The following AP2M1 variants were observed in gnomAD, a reference collection of about 807,000 sequenced individuals.
AP2M1 encodes AP-2 complex subunit mu.
In AP2M1, 5 loss-of-function variants were observed where a neutral mutation model predicts 54.5. The observed-to-expected ratio is 0.09, with a 90% CI of 0.05 to 0.19. The LOEUF (loss-of-function observed/expected upper bound fraction) is 0.19, where lower values mean the gene tolerates loss of function less well. Among genes scored for constraint, AP2M1 ranks in the 10% least tolerant of loss-of-function variants. The pLI is 1.00. For synonymous variants in AP2M1, 186 were observed against 208.2 expected (o/e 0.89, Z 0.92); for missense variants, 178 against 580.2 (o/e 0.31, Z 7.12).
intron 3 of AP2M1, 123 bp downstream of exon 3, chr3:184,179,245 T>C: frequency 7.8e-7 from 1 of 1,276,424 alleles, no homozygotes; most frequent in East Asian, 2.4e-5. Context: ...CCTGAGTATT[T>C]GGTCTCTTGG....
chr3:184,178,728 G>A lies in AP2M1; in HGVS notation c.75-129G>A. The A allele has an allele frequency of 8.2e-7, 1 of 1,214,534 alleles. No homozygotes were observed. The highest frequency in any genetic ancestry group is 1.1e-6 in the Non-Finnish European group (1 of 873,998). The allele number at this position is 1,214,534 out of a possible 1,614,324, so 75.2% of individuals were successfully genotyped here. A position where few individuals can be genotyped will look rare whatever the true frequency, so the allele number is the denominator to read the frequency against. On this transcript the variant is annotated intron_variant, in intron 2 of 11. Coordinates refer to ENST00000292807, the MANE Select transcript of AP2M1 (RefSeq NM_004068.4). The surrounding 1 kb of genome is among the most constrained non-coding windows in gnomAD (Gnocchi z 4.9). ...AACCACTCCAGTGGTTTAGGCATTG[G>A]CTTTCTTTGGAGTGTGTGTGTCAGA...
rs377089142 is a variant in AP2M1 at position 184,183,613 on chromosome 3, C to T, written c.1305C>T (p.Cys435=). ...IGRSGIYETR[C] ...GCAGTGGCATTTATGAAACTCGCTG[C>T]TAGCTGCCACTAGGCAGCTAGCCCA... Residue 435 remains cysteine (C), a synonymous_variant, in exon 12 of 12, where the codon TGC becomes TGT. Coordinates refer to ENST00000292807, the MANE Select transcript of AP2M1 (RefSeq NM_004068.4). This position sits in a 1 kb window ranked among gnomAD's most constrained non-coding sequence, Gnocchi z 5.7. The T allele has an allele frequency of 5.0e-6, 8 of 1,611,850 alleles. No individual in the cohort carries two copies. Among genetic ancestry groups the T allele is most frequent in the Non-Finnish European group, 6.8e-6 (8 of 1,179,692 alleles).
rs1715197141 is a variant in AP2M1 at position 184,179,443 on chromosome 3, C to T, written c.340+321C>T. 1.5e-5 allele frequency: 5 copies of T among 329,862 alleles called. 1 individual carries two copies. The highest frequency in any genetic ancestry group is 7.0e-5 in the South Asian group (2 of 28,714). 20.4% of individuals were successfully genotyped at this position (329,862 alleles called of 1,614,324 possible). On this transcript the variant is annotated intron_variant, in intron 3 of 11. Coordinates refer to ENST00000292807, the MANE Select transcript of AP2M1 (RefSeq NM_004068.4). ...GCTTGGACCTTAGTTCACTAACTGT[C>T]CACCCAGTTTTCCATCTCAGCAGCT...
chr3:184,182,193 A>C lies in AP2M1; in HGVS notation c.1006A>C (p.Ile336Leu). Residue 336 changes from isoleucine (I) to leucine (L), a missense_variant, in exon 10 of 12, where the codon ATC (isoleucine) becomes CTC (leucine). Ile to Leu is a conservative substitution (Grantham distance 5). Coordinates refer to ENST00000292807, the MANE Select transcript of AP2M1 (RefSeq NM_004068.4). The surrounding 1 kb of genome is among the most constrained non-coding windows in gnomAD (Gnocchi z 5.5). The part of the protein sequence containing the change: ...TPLNTSGVQV[I>L]CMKGKAKYKA... Reference sequence around the variant, plus strand: ...ACTGAACACAAGCGGGGTGCAGGTGATCTGCATGAAGGGGAAGGCCAAGTA... The same window carrying C: ...ACTGAACACAAGCGGGGTGCAGGTGCTCTGCATGAAGGGGAAGGCCAAGTA... The C allele has an allele frequency of 6.2e-7, 1 of 1,614,184 alleles. No individual in the cohort carries two copies. Among genetic ancestry groups the C allele is most frequent in the Non-Finnish European group, 8.5e-7 (1 of 1,180,046 alleles).
chr3:184,178,266 G>C lies in AP2M1; in HGVS notation c.75-591G>C. ...CTGCTGCCCAGGTACAGGTGGGTGG[G>C]GGCCTGCCCCCATCGTTTTCCTGCA... On this transcript the variant is annotated intron_variant, in intron 2 of 11. Transcript: ENST00000292807. This position sits in a 1 kb window ranked among gnomAD's most constrained non-coding sequence, Gnocchi z 4.9. The C allele has an allele frequency of 2.0e-6, 3 of 1,533,454 alleles. No homozygotes were observed. The highest frequency in any genetic ancestry group is 1.7e-4 in the Middle Eastern group (1 of 5,986). 95.0% of individuals were successfully genotyped at this position (1,533,454 alleles called of 1,614,324 possible). A position where few individuals can be genotyped will look rare whatever the true frequency, so the allele number is the denominator to read the frequency against.
At chr3:184,177,598 G>A in intron 2 of AP2M1, 1 of 1,536,036 alleles carries the variant, frequency 6.5e-7, no homozygotes, top group Non-Finnish European at 8.7e-7. Context: ...ATTCCCTGGG[G>A]AGTGGCTGGA....
At position 184,183,238 on chromosome 3, in the gene AP2M1, A is replaced by C. The variant is rs1283778732; in HGVS notation, c.1174-244A>C. On this transcript the variant is annotated intron_variant, in intron 11 of 11. Transcript: ENST00000292807. The surrounding 1 kb of genome is among the most constrained non-coding windows in gnomAD (Gnocchi z 5.7). ...GTTCATAATATTGAGCAGGATAAGT[A>C]TGTTCTAAAGCAGTTCTTTGGTTGC... 2 of 582,262 alleles carry C rather than the reference A, an allele frequency of 3.4e-6. No individual in the cohort carries two copies. Among genetic ancestry groups the C allele is most frequent in the African/African-American group, 1.9e-5 (1 of 53,704 alleles). The allele number at this position is 582,262 out of a possible 1,614,324, so 36.1% of individuals were successfully genotyped here. A position where few individuals can be genotyped will look rare whatever the true frequency, so the allele number is the denominator to read the frequency against.
At chr3:184,175,578 C>T (rs1015034151) in intron 1 of AP2M1, among the ~76,000 whole-genome samples, 3 of 152,186 alleles carry the variant, frequency 2.0e-5, no homozygotes, top group Non-Finnish European at 2.9e-5. Context: ...CCGGTTTTTC[C>T]TTCTTAAAGC....
chr3:184,179,336 C>A, intron 3 of AP2M1: 2 of 603,906 alleles, frequency 3.3e-6, no homozygotes, highest in Non-Finnish European at 5.7e-6. Flanking sequence ...AGAAATAGGC[C>A]AGCAGGTGAT....
Position 184,182,672 on chromosome 3 carries a change from G to A in AP2M1, c.1062-85G>A. 8.5e-7 allele frequency: 1 copy of A among 1,183,074 alleles called. No homozygotes were observed. The highest frequency in any genetic ancestry group is 1.9e-5 in the Admixed American group (1 of 51,364). The allele number at this position is 1,183,074 out of a possible 1,614,324, so 73.3% of individuals were successfully genotyped here. On this transcript the variant is annotated intron_variant, in intron 10 of 11. Coordinates refer to ENST00000292807, the MANE Select transcript of AP2M1 (RefSeq NM_004068.4). The surrounding 1 kb of genome is among the most constrained non-coding windows in gnomAD (Gnocchi z 5.5). Reference sequence around the variant, plus strand: ...GTTCTGGCACCTCCTGCAAGCTCCTGGGCTCTCTCCTTGCTTGAAATGGGC... The same window carrying A: ...GTTCTGGCACCTCCTGCAAGCTCCTAGGCTCTCTCCTTGCTTGAAATGGGC...
chr3:184,175,296 C>T (rs1715030792), intron 1 of AP2M1, among the ~76,000 whole-genome samples: 1 of 152,132 alleles, frequency 6.6e-6, no homozygotes, highest in African/African-American at 2.4e-5. Flanking sequence ...ACAATTTCCC[C>T]GTCTCGTAGG....
In AP2M1 at chr3:184,180,906, C is replaced by A; in HGVS notation, c.487C>A (p.Arg163=). 2 of 1,614,120 alleles carry A rather than the reference C, an allele frequency of 1.2e-6. No individual in the cohort carries two copies. The highest frequency in any genetic ancestry group is 1.7e-6 in the Non-Finnish European group (2 of 1,180,024). Residue 163 remains arginine (R), a synonymous_variant, in exon 6 of 12, where the codon CGA becomes AGA. Transcript: ENST00000292807. The surrounding 1 kb of genome is among the most constrained non-coding windows in gnomAD (Gnocchi z 4.9). ...SQVTGQIGWR[R]EGIKYRRNEL... ...GGTAACTGGGCAGATTGGCTGGCGGCGAGAGGGTATCAAGTATCGTCGGAA... is the reference window on the plus strand; with the variant it reads ...GGTAACTGGGCAGATTGGCTGGCGGAGAGAGGGTATCAAGTATCGTCGGAA...
Position 184,181,438 on chromosome 3 carries a change from C to A in AP2M1, c.707+212C>A. 2.3e-6 allele frequency: 2 copies of A among 861,472 alleles called. No homozygotes were observed. Among genetic ancestry groups the A allele is most frequent in the Non-Finnish European group, 1.7e-6 (1 of 573,288 alleles). The allele number at this position is 861,472 out of a possible 1,614,324, so 53.4% of individuals were successfully genotyped here. ...AAGCCCCTTTGTTTGGTCCCTAGGA[C>A]CAAGGCCTTTTCTGTACATACTGAC... On this transcript the variant is annotated intron_variant, in intron 7 of 11. Coordinates refer to ENST00000292807, the MANE Select transcript of AP2M1 (RefSeq NM_004068.4). The surrounding 1 kb of genome is among the most constrained non-coding windows in gnomAD (Gnocchi z 5.7).
chr3:184,180,212 G>A lies in AP2M1; in HGVS notation c.384G>A (p.Ala128=), dbSNP rs753193214. The stretch of plus-strand genomic sequence containing the variant: ...ACCCACAGAATTCCGAGACAGGCGC[G>A]CTGAAAACCTTCATCACGCAGCAGG... The part of the protein sequence containing the change: ...FGYPQNSETG[A]LKTFITQQGI... Residue 128 remains alanine (A), a synonymous_variant, in exon 4 of 12, where the codon GCG becomes GCA. Coordinates refer to ENST00000292807, the MANE Select transcript of AP2M1 (RefSeq NM_004068.4). This position sits in a 1 kb window ranked among gnomAD's most constrained non-coding sequence, Gnocchi z 4.9. 1.4e-5 allele frequency: 22 copies of A among 1,614,154 alleles called. No individual in the cohort carries two copies. The East Asian group carries it at 1.8e-4, about 13-fold the overall frequency.
In AP2M1 at chr3:184,183,223, T is replaced by C. The variant is rs897831333; in HGVS notation, c.1174-259T>C. 5.3e-6 allele frequency: 3 copies of C among 569,132 alleles called. No homozygotes were observed. Among genetic ancestry groups the C allele is most frequent in the African/African-American group, 3.7e-5 (2 of 53,456 alleles). 35.3% of individuals were successfully genotyped at this position (569,132 alleles called of 1,614,324 possible). On this transcript the variant is annotated intron_variant, in intron 11 of 11. Transcript: ENST00000292807. The surrounding 1 kb of genome is among the most constrained non-coding windows in gnomAD (Gnocchi z 5.7). ...CCACCTTATTTTTAAGTTCATAATA[T>C]TGAGCAGGATAAGTATGTTCTAAAG...
In AP2M1 at chr3:184,176,010, G is replaced by A. The variant is rs1393875351; in HGVS notation, c.-43-941G>A. On this transcript the variant is annotated intron_variant, in intron 1 of 11. Transcript: ENST00000292807. Reference sequence around the variant, plus strand: ...CCAGGAAATCTAAAACCAAATTAATGCCTTTTCTCAAACAGTCTAAATTAA... The same window carrying A: ...CCAGGAAATCTAAAACCAAATTAATACCTTTTCTCAAACAGTCTAAATTAA... 2.6e-5 allele frequency among the ~76,000 whole-genome samples: 4 copies of A among 152,266 alleles called. No individual in the cohort carries two copies. In the East Asian group the frequency reaches 7.7e-4, roughly 29 times the overall value.
At position 184,180,346 on chromosome 3, in the gene AP2M1, T is replaced by C; in HGVS notation, c.423+95T>C. 1 of 1,440,156 alleles carries C rather than the reference T, an allele frequency of 6.9e-7. No individual in the cohort carries two copies. The highest frequency in any genetic ancestry group is 9.6e-7 in the Non-Finnish European group (1 of 1,046,754). The allele number at this position is 1,440,156 out of a possible 1,614,324, so 89.2% of individuals were successfully genotyped here. On this transcript the variant is annotated intron_variant, in intron 4 of 11. Coordinates refer to ENST00000292807, the MANE Select transcript of AP2M1 (RefSeq NM_004068.4). This position sits in a 1 kb window ranked among gnomAD's most constrained non-coding sequence, Gnocchi z 4.9. ...CTTGTCTGAGCTGACTCATGAGCCC[T>C]CCCATGACAGGAAGTGCTGGCCTGA...
In AP2M1 at chr3:184,183,454, A is replaced by G. The variant is rs565932142; in HGVS notation, c.1174-28A>G. 1.2e-6 allele frequency: 2 copies of G among 1,613,552 alleles called. No individual in the cohort carries two copies. Among genetic ancestry groups the G allele is most frequent in the East Asian group, 2.2e-5 (1 of 44,870 alleles). ...GGAGAGCGGCTGTAAGAGGAAGGCC[A>G]CATTTCTAACTAGCTCTCCTTGCCC... On this transcript the variant is annotated intron_variant, in intron 11 of 11. Transcript: ENST00000292807. The surrounding 1 kb of genome is among the most constrained non-coding windows in gnomAD (Gnocchi z 5.7).
At position 184,182,901 on chromosome 3, in the gene AP2M1, G is replaced by A. The variant is rs1194580785; in HGVS notation, c.1173+33G>A. 10 of 1,574,464 alleles carry A rather than the reference G, an allele frequency of 6.4e-6. No individual in the cohort carries two copies. In the African/African-American group the frequency reaches 1.3e-4, roughly 21 times the overall value. The stretch of plus-strand genomic sequence containing the variant: ...AGAGGAGGGGCCTAGAGTCATGCCA[G>A]GGTATGCTGGAAGACCTCTTAGAGA... On this transcript the variant is annotated intron_variant, in intron 11 of 11. Transcript: ENST00000292807. This position sits in a 1 kb window ranked among gnomAD's most constrained non-coding sequence, Gnocchi z 5.5.
Sources: gnomAD v4.1 joint callset for allele counts (sites outside exome capture counted in the v4.1 genomes callset) on GRCh38, gnomAD v4.1.1 for gene constraint, Gnocchi (gnomAD v3.1) non-coding constraint, MANE v1.5 for transcripts, NCBI Gene and HGNC (gene_info 2026-07-23, HGNC 2026-07-21) for gene names.